Variants in PTCHD4 observed in about 807,000 individuals in gnomAD.
The protein encoded by PTCHD4 is patched domain containing 4.
In PTCHD4, 33 loss-of-function variants were observed where a neutral mutation model predicts 58.1. The ratio of observed to expected loss-of-function variants is 0.57; its 90% CI spans 0.43 to 0.76. The LOEUF is 0.76. Ranked by LOEUF, PTCHD4 falls within the 30% of genes least tolerant of loss-of-function variation. The pLI is 0.00. For synonymous variants in PTCHD4, 478 were observed against 409.6 expected (o/e 1.17, Z -2.02); for missense variants, 1,058 against 1,027.1 (o/e 1.03, Z -0.41).
intron 4 of PTCHD4, among the ~76,000 whole-genome samples, chr6:47,929,929 C>T (rs1158086450): frequency 6.6e-6 from 1 of 152,208 alleles, no homozygotes; most frequent in Non-Finnish European, 1.5e-5. Context: ...GTGACACCTG[C>T]TCTTTGTTCT....
At chr6:47,975,267 A>G (rs1767650845) in intron 4 of PTCHD4, among the ~76,000 whole-genome samples, 2 of 152,198 alleles carry the variant, frequency 1.3e-5, no homozygotes, top group Admixed American at 1.3e-4. Context: ...AATCCACTTG[A>G]AAAATGCTTC....
chr6:48,104,925 A>T (rs1765687121), intron 1 of PTCHD4, among the ~76,000 whole-genome samples: 1 of 152,220 alleles, frequency 6.6e-6, no homozygotes, highest in Non-Finnish European at 1.5e-5. Context: ...ATATGCACCC[A>T]ATACAGGAGC....
intron 4 of PTCHD4, among the ~76,000 whole-genome samples, chr6:47,920,419 G>C (rs1765394822): frequency 6.6e-6 from 1 of 152,152 alleles, no homozygotes; most frequent in South Asian, 2.1e-4. Flanking sequence ...TATATGCAGA[G>C]TGAGGGGAAT....
rs373209790 is a variant in PTCHD4, at chr6:47,992,739, AC to A, written c.898+15894del. ...AATAGTATCTGGATGGTGGTTTGAT[AC>A]TTTCTTTTTCTTTGAATGTTTTCCT... On this transcript the variant is annotated intron_variant, in intron 4 of 4. Coordinates refer to ENST00000339488, the MANE Select transcript of PTCHD4 (RefSeq NM_001384253.1). Among the ~76,000 whole-genome samples, 172 of 152,312 alleles carry A rather than the reference AC, an allele frequency of 1.1e-3. 1 individual carries two copies. In the South Asian group the frequency reaches 0.033, roughly 30 times the overall value.
chr6:47,926,373 C>G (rs1165213088), intron 4 of PTCHD4, among the ~76,000 whole-genome samples: 1 of 152,180 alleles, frequency 6.6e-6, no homozygotes, highest in Non-Finnish European at 1.5e-5. Flanking sequence ...TTAACTATAA[C>G]ATGTCTGATT....
At chr6:48,010,574 G>A (rs997841622) in intron 3 of PTCHD4, among the ~76,000 whole-genome samples, 1 of 151,954 alleles carries the variant, frequency 6.6e-6, no homozygotes, top group African/African-American at 2.4e-5. Context: ...AGGATCACCA[G>A]GAATTCCAAG....
At chr6:47,881,845 G>A (rs1192476058) in intron 4 of PTCHD4, among the ~76,000 whole-genome samples, 6 of 152,108 alleles carry the variant, frequency 3.9e-5, no homozygotes, top group Non-Finnish European at 8.8e-5. Flanking sequence ...ATTCTTCAAA[G>A]CTGTCTCTTA....
chr6:47,947,817 T>C (rs1370418210), intron 4 of PTCHD4, among the ~76,000 whole-genome samples: 1 of 152,218 alleles, frequency 6.6e-6, no homozygotes, highest in Non-Finnish European at 1.5e-5. Flanking sequence ...GAGGCATTTA[T>C]AAATTCTGGA....
chr6:48,059,196 A>T (rs1048064083), intron 3 of PTCHD4, among the ~76,000 whole-genome samples: 3 of 152,158 alleles, frequency 2.0e-5, no homozygotes, highest in African/African-American at 7.2e-5. Context: ...CTCTCACTGC[A>T]CTCCAGACCT....
rs1183238349 is a variant in PTCHD4 at position 47,857,916 on chromosome 6, A to G, written c.*20387T>C. ...CTGTAACTATAAATAGTTCTATATC[A>G]AGGTACACATATGTACCTTGAAGAC... is the stretch of plus-strand genomic sequence containing the variant. On this transcript the variant is annotated 3_prime_UTR_variant, in exon 5 of 5. Coordinates refer to ENST00000339488, the MANE Select transcript of PTCHD4 (RefSeq NM_001384253.1). 6.6e-6 allele frequency among the ~76,000 whole-genome samples: 1 copy of G among 152,004 alleles called. No individual in the cohort carries two copies. Among genetic ancestry groups the G allele is most frequent in the Non-Finnish European group, 1.5e-5 (1 of 67,978 alleles).
chr6:48,062,282 G>A (rs1156908458), intron 3 of PTCHD4, among the ~76,000 whole-genome samples: 2 of 152,064 alleles, frequency 1.3e-5, no homozygotes, highest in Non-Finnish European at 2.9e-5. Flanking sequence ...TGGCGGGGTG[G>A]GGATGATCTT....
Position 47,893,546 on chromosome 6 carries a change from AT to A in PTCHD4, c.899-13611del, listed in dbSNP as rs1764443355. On this transcript the variant is annotated intron_variant, in intron 4 of 4. Transcript: ENST00000339488. ...AAGGCATCAGGCTATGTGGGTTTAC[AT>A]TTCTTCACTACCATCTATTAGATGG... Among the ~76,000 whole-genome samples the A allele has an allele frequency of 3.3e-5, 5 of 152,300 alleles. No homozygotes were observed. The South Asian group carries it at 1.0e-3, about 32-fold the overall frequency.
intron 3 of PTCHD4, among the ~76,000 whole-genome samples, chr6:48,026,377 T>C (rs182755087): frequency 3.4e-4 from 52 of 152,294 alleles, no homozygotes; most frequent in Non-Finnish European, 2.9e-5. Context: ...GTCCATCTCC[T>C]TTTTGTTAAC....
chr6:47,908,636 C>T (rs1317561684), intron 4 of PTCHD4, among the ~76,000 whole-genome samples: 1 of 152,158 alleles, frequency 6.6e-6, no homozygotes, highest in Non-Finnish European at 1.5e-5. Context: ...TGGAAGTCAC[C>T]ACCTCTCAGT....
chr6:48,039,843 G>T (rs1251956335), intron 3 of PTCHD4, among the ~76,000 whole-genome samples: 1 of 152,090 alleles, frequency 6.6e-6, no homozygotes, highest in Non-Finnish European at 1.5e-5. Context: ...AGATGAATAT[G>T]TGATATTTAC....
At chr6:48,107,689 G>A (rs1435344524) in intron 1 of PTCHD4, among the ~76,000 whole-genome samples, 1 of 152,054 alleles carries the variant, frequency 6.6e-6, no homozygotes, top group Non-Finnish European at 1.5e-5. Context: ...GAAAATTTTT[G>A]CAACCTACTC....
intron 1 of PTCHD4, among the ~76,000 whole-genome samples, chr6:48,101,199 T>C (rs1765595455): frequency 6.6e-6 from 1 of 151,966 alleles, no homozygotes; most frequent in South Asian, 2.1e-4. Context: ...AAAAAAAATA[T>C]CTAGTAAAAT....
intron 1 of PTCHD4, among the ~76,000 whole-genome samples, chr6:48,085,162 C>T (rs1420679156): frequency 6.6e-6 from 1 of 152,014 alleles, no homozygotes; most frequent in Non-Finnish European, 1.5e-5. Flanking sequence ...CAATAGCACA[C>T]AATGGATTCA....
At chr6:48,046,100 T>C (rs1466693494) in intron 3 of PTCHD4, among the ~76,000 whole-genome samples, 5 of 151,840 alleles carry the variant, frequency 3.3e-5, no homozygotes, top group Non-Finnish European at 7.4e-5. Context: ...AGGGGACAAA[T>C]GAATGTAAGT....
Sources: allele counts gnomAD v4.1 joint callset (sites outside exome capture counted in the v4.1 genomes callset), GRCh38; gene constraint gnomAD v4.1.1; transcripts MANE v1.5; gene names NCBI Gene and HGNC (gene_info 2026-07-23, HGNC 2026-07-21).